Variants in VSTM2A observed in about 807,000 individuals in gnomAD.
The protein encoded by VSTM2A is V-set and transmembrane domain containing 2A.
Under a neutral mutation model 27.3 loss-of-function variants are expected in VSTM2A, and 13 were observed. The ratio of observed to expected loss-of-function variants is 0.48; its 90% CI spans 0.31 to 0.76. VSTM2A has a LOEUF of 0.76. VSTM2A is among the 30% of genes least tolerant of loss of function. The pLI is 0.05. For missense variants in VSTM2A, 280 were observed against 310.0 expected (o/e 0.90, Z 0.73); for synonymous variants, 142 against 125.7 (o/e 1.13, Z -0.87).
intron 4 of VSTM2A, chr7:54,557,320 CT>C (rs10543201): frequency 0.72 from 97,068 of 134,984 alleles, 34,941 homozygotes; most frequent in East Asian, 0.9. Context: ...TCATTTCTTT[CT>C]TTTTTTTTTT....
At chr7:54,542,906 G>T (rs763102730) in intron 1 of VSTM2A, 97 bp downstream of exon 1, 1 of 1,151,840 alleles carries the variant, frequency 8.7e-7, no homozygotes. Context: ...AAGCTTCCTA[G>T]CAAGTAACAG....
chr7:54,546,854 G>T (rs1176979905), intron 2 of VSTM2A, 93 bp from the exon 3 acceptor site: 5 of 1,531,890 alleles, frequency 3.3e-6, no homozygotes, highest in South Asian at 1.2e-5. Flanking sequence ...TCACCCTGAC[G>T]GCCCTGCCCG....
rs908895902 is a variant in VSTM2A, at chr7:54,570,465, G to C, written c.*1246G>C. 6.6e-6 allele frequency: 1 copy of C among 151,922 alleles called. No homozygotes were observed. Among genetic ancestry groups the C allele is most frequent in the Non-Finnish European group, 1.5e-5 (1 of 67,970 alleles). 9.4% of individuals were successfully genotyped at this position (151,922 alleles called of 1,614,324 possible). ...TGTTACCTTTGTCATTCTGTTATTT[G>C]CGCTAATTATATTTTAATGTCTCCT... is the stretch of plus-strand genomic sequence containing the variant. On this transcript the variant is annotated 3_prime_UTR_variant, in exon 5 of 5. Coordinates refer to ENST00000402613, the MANE Select transcript of VSTM2A (RefSeq NM_001301009.2).
chr7:54,542,680 A>C lies in VSTM2A; in HGVS notation c.-51A>C. On this transcript the variant is annotated 5_prime_UTR_variant, in exon 1 of 5. Transcript: ENST00000402613. ...CCATCCACTCGCACGCCTTTCTTTC[A>C]GGGCTTTTCGGCTGTTGGCTACACT... is the stretch of plus-strand genomic sequence containing the variant. 2 of 1,567,350 alleles carry C rather than the reference A, an allele frequency of 1.3e-6. No homozygotes were observed. Among genetic ancestry groups the C allele is most frequent in the East Asian group, 2.2e-5 (1 of 44,610 alleles).
chr7:54,555,844 CCAAA>C (rs1788337609), intron 4 of VSTM2A, among the ~76,000 whole-genome samples: 1 of 152,026 alleles, frequency 6.6e-6, no homozygotes, highest in Non-Finnish European at 1.5e-5. Context: ...ATCAAGACTC[CCAAA>C]CAGTGTTTCT....
rs751591646 is a variant in VSTM2A, at chr7:54,550,061, C to T, written c.525C>T (p.Asn175=). 13 of 1,609,174 alleles carry T rather than the reference C, an allele frequency of 8.1e-6. No individual in the cohort carries two copies. Among genetic ancestry groups the T allele is most frequent in the South Asian group, 3.3e-5 (3 of 89,982 alleles). The stretch of plus-strand genomic sequence containing the variant: ...TGCAGGATATGAAGCCCCGCAAGAA[C>T]GTCTCCGCAGCCATCCCCAGCAGCA... ...MWLQDMKPRK[N]VSAAIPSSIH... Residue 175 remains asparagine, a synonymous_variant, in exon 4 of 5, where the codon AAC becomes AAT. Coordinates refer to ENST00000402613, the MANE Select transcript of VSTM2A (RefSeq NM_001301009.2).
At chr7:54,548,779 A>G (rs1788085149) in intron 3 of VSTM2A, among the ~76,000 whole-genome samples, 1 of 152,088 alleles carries the variant, frequency 6.6e-6, no homozygotes. Context: ...ATACCTCTAT[A>G]TGTAAAAGCA....
At chr7:54,555,606 CCTT>C (rs1473694582) in intron 4 of VSTM2A, among the ~76,000 whole-genome samples, 1 of 152,126 alleles carries the variant, frequency 6.6e-6, no homozygotes, top group Non-Finnish European at 1.5e-5. Context: ...CCTAACTGTG[CCTT>C]GTATTGTTGA....
chr7:54,546,393 C>T (rs1787969741), intron 2 of VSTM2A, among the ~76,000 whole-genome samples: 1 of 151,824 alleles, frequency 6.6e-6, no homozygotes, highest in African/African-American at 2.4e-5. Context: ...CGAGAGGCGG[C>T]GCCCCTGCGA....
chr7:54,565,683 G>A (rs1455542413), intron 4 of VSTM2A, among the ~76,000 whole-genome samples: 3 of 152,266 alleles, frequency 2.0e-5, no homozygotes, highest in Non-Finnish European at 2.9e-5. Flanking sequence ...ACTGGAGGGA[G>A]GGGCAGCCTC....
intron 4 of VSTM2A, among the ~76,000 whole-genome samples, chr7:54,567,971 A>C (rs1343167935): frequency 6.6e-6 from 1 of 152,162 alleles, no homozygotes; most frequent in Non-Finnish European, 1.5e-5. Flanking sequence ...GCTTGAATAG[A>C]GGACCACTCT....
intron 4 of VSTM2A, among the ~76,000 whole-genome samples, chr7:54,567,095 G>T (rs1788748468): frequency 6.6e-6 from 1 of 152,004 alleles, no homozygotes; most frequent in African/African-American, 2.4e-5. Flanking sequence ...TTTCATTCAA[G>T]ACATAAATAA....
In VSTM2A at chr7:54,546,688, G is replaced by GCCC. The variant is rs764058131; in HGVS notation, c.247-258_247-257insCCC. 3.3e-3 allele frequency: 1,435 copies of GCCC among 430,360 alleles called. 6 individuals are homozygous for GCCC. Among genetic ancestry groups the GCCC allele is most frequent in the Admixed American group, 6.8e-3 (150 of 22,086 alleles). The allele number at this position is 430,360 out of a possible 1,614,324, so 26.7% of individuals were successfully genotyped here. On this transcript the variant is annotated intron_variant, in intron 2 of 4. Transcript: ENST00000402613. ...GCGCGGCAGGGACAGCGCCGGGACA[G>GCCC]CGCCGGGACAGCCCCGGGACAGCCC...
chr7:54,552,335 T>C (rs2115833638), intron 4 of VSTM2A: 1 of 152,338 alleles, frequency 6.6e-6, no homozygotes, highest in East Asian at 1.9e-4. Context: ...CATTTTCTAA[T>C]TTCGATTTCA....
intron 3 of VSTM2A, 87 bp downstream of exon 3, chr7:54,547,084 T>C (rs951346100): frequency 1.4e-6 from 2 of 1,452,802 alleles, no homozygotes; most frequent in Non-Finnish European, 1.8e-6. Flanking sequence ...TTGCCAGCGC[T>C]GCAGGACAGC....
At chr7:54,547,729 G>A (rs1463879929) in intron 3 of VSTM2A, among the ~76,000 whole-genome samples, 1 of 152,064 alleles carries the variant, frequency 6.6e-6, no homozygotes, top group Non-Finnish European at 1.5e-5. Context: ...AATACAAAAG[G>A]AGGAAATCTG....
chr7:54,546,824 G>T, intron 2 of VSTM2A, 123 bp from the exon 3 acceptor site: 1 of 1,350,974 alleles, frequency 7.4e-7, no homozygotes, highest in Admixed American at 2.3e-5. Context: ...CACGCCCCTG[G>T]TCGCTCCCCT....
In VSTM2A at chr7:54,571,066, T is replaced by C. The variant is rs762065221; in HGVS notation, c.*1847T>C. The C allele has an allele frequency of 1.3e-5, 2 of 152,226 alleles. No individual in the cohort carries two copies. The highest frequency in any genetic ancestry group is 2.9e-5 in the Non-Finnish European group (2 of 68,026). The allele number at this position is 152,226 out of a possible 1,614,324, so 9.4% of individuals were successfully genotyped here. A position where few individuals can be genotyped will look rare whatever the true frequency, so the allele number is the denominator to read the frequency against. ...AAATTAATAAAGGTTTTGATTGCAC[T>C]ATTTTATTAACCTAGAAATGTATTT... On this transcript the variant is annotated 3_prime_UTR_variant, in exon 5 of 5. Coordinates refer to ENST00000402613, the MANE Select transcript of VSTM2A (RefSeq NM_001301009.2).
At chr7:54,564,479 T>C (rs763162595) in intron 4 of VSTM2A, among the ~76,000 whole-genome samples, 1 of 152,202 alleles carries the variant, frequency 6.6e-6, no homozygotes, top group East Asian at 1.9e-4. Context: ...CACAGGAAAT[T>C]AATCCATCAG....
Sources: allele counts gnomAD v4.1 joint callset (sites outside exome capture counted in the v4.1 genomes callset), GRCh38; gene constraint gnomAD v4.1.1; transcripts MANE v1.5; gene names NCBI Gene and HGNC (gene_info 2026-07-23, HGNC 2026-07-21).